KHDRBS2: variants seen among roughly 807,000 people sequenced by gnomAD.
KHDRBS2 encodes the protein KH RNA binding domain containing, signal transduction associated 2.
In KHDRBS2, 26 loss-of-function variants were observed where a neutral mutation model predicts 44.3. The observed-to-expected ratio is 0.59, with a 90% CI of 0.43 to 0.81. KHDRBS2 has a LOEUF of 0.81. Among genes scored for constraint, KHDRBS2 ranks in the 40% least tolerant of loss-of-function variants. The pLI, the probability that KHDRBS2 is intolerant of heterozygous loss-of-function variation, is 0.00. For missense variants in KHDRBS2, 476 were observed against 433.1 expected, an observed-to-expected ratio of 1.10 and a Z score of -0.88; for synonymous variants, 194 against 151.1, an observed-to-expected ratio of 1.28 and a Z score of -2.08.
At chr6:61,955,368 ACGTGTATATATACACATACGTATGTG>A (rs1766601952) in intron 4 of KHDRBS2, among the ~76,000 whole-genome samples, 3 of 110,246 alleles carry the variant, frequency 2.7e-5, no homozygotes, top group African/African-American at 1.1e-4. Context: ...GTATACATAT[ACGTGTATATATACACATACGTATGTG>A]TATGTATACA....
At chr6:61,631,953 A>C in the KHDRBS2 span, among the ~76,000 whole-genome samples, 137 of 152,216 alleles carry the variant, frequency 9.0e-4, no homozygotes, top group African/African-American at 3.0e-3. Context: ...TATCTGTGAA[A>C]CTCTTTTGTG....
At chr6:61,983,099 T>C (rs1379267933) in intron 3 of KHDRBS2, among the ~76,000 whole-genome samples, 1 of 152,066 alleles carries the variant, frequency 6.6e-6, no homozygotes, top group Non-Finnish European at 1.5e-5. Flanking sequence ...AATTGGAAAC[T>C]CGTTATATAA....
intron 1 of KHDRBS2, among the ~76,000 whole-genome samples, chr6:62,252,025 A>G (rs1836625395): frequency 2.0e-5 from 3 of 151,840 alleles, no homozygotes; most frequent in Non-Finnish European, 2.9e-5. Flanking sequence ...GGAGGAGGAG[A>G]AGATTCTTGG....
chr6:61,543,507 T>C, the KHDRBS2 span, among the ~76,000 whole-genome samples: 1 of 151,978 alleles, frequency 6.6e-6, no homozygotes, highest in Non-Finnish European at 1.5e-5. Context: ...TAAATATTAA[T>C]TAGTACAACC....
chr6:61,812,863 C>A (rs1490185160), intron 6 of KHDRBS2, among the ~76,000 whole-genome samples: 1 of 151,994 alleles, frequency 6.6e-6, no homozygotes, highest in African/African-American at 2.4e-5. Context: ...TACATTTTCA[C>A]ATTTGTACCT....
the KHDRBS2 span, chr6:61,630,474 G>A: frequency 2.6e-5 from 4 of 152,120 alleles, no homozygotes; most frequent in African/African-American, 9.7e-5. Context: ...CTTCCATGGT[G>A]AACAGGATTG....
intron 2 of KHDRBS2, among the ~76,000 whole-genome samples, chr6:62,068,525 CT>C (rs1011492544): frequency 2.6e-5 from 4 of 151,400 alleles, no homozygotes; most frequent in East Asian, 2.0e-4. Context: ...AATAGTCTAA[CT>C]TTTTTTTATT....
At chr6:62,131,645 C>A (rs1287023606) in intron 2 of KHDRBS2, among the ~76,000 whole-genome samples, 1 of 152,166 alleles carries the variant, frequency 6.6e-6, no homozygotes, top group Non-Finnish European at 1.5e-5. Flanking sequence ...ACTTTCCATT[C>A]TCTTCTCATC....
intron 6 of KHDRBS2, among the ~76,000 whole-genome samples, chr6:61,788,950 T>C (rs896372116): frequency 6.6e-6 from 1 of 151,260 alleles, no homozygotes; most frequent in African/African-American, 2.4e-5. Context: ...GCTGAAAGTG[T>C]TAATAGTAAG....
intron 6 of KHDRBS2, among the ~76,000 whole-genome samples, chr6:61,749,551 T>A (rs1410135397): frequency 2.0e-5 from 3 of 152,234 alleles, no homozygotes; most frequent in Non-Finnish European, 4.4e-5. Context: ...TTCTCATTCA[T>A]CTTTTCCTGT....
At chr6:61,777,776 G>T (rs1782320125) in intron 6 of KHDRBS2, among the ~76,000 whole-genome samples, 1 of 152,008 alleles carries the variant, frequency 6.6e-6, no homozygotes. Context: ...TATCTTAAGG[G>T]TATAAAATAA....
chr6:62,038,863 A>T (rs575469302), intron 3 of KHDRBS2, among the ~76,000 whole-genome samples: 101 of 152,102 alleles, frequency 6.6e-4, no homozygotes, highest in Non-Finnish European at 1.1e-3. Context: ...AAGAGATTAA[A>T]TATCCTTATT....
intron 4 of KHDRBS2, among the ~76,000 whole-genome samples, chr6:61,903,614 TC>T (rs533894338): frequency 2.0e-3 from 301 of 152,260 alleles, no homozygotes; most frequent in Non-Finnish European, 1.7e-3. Context: ...GCCAATTTGT[TC>T]AGGATTCCCT....
chr6:61,677,038 G>A (rs927504229), downstream of KHDRBS2, among the ~76,000 whole-genome samples: 24 of 151,744 alleles, frequency 1.6e-4, no homozygotes, highest in African/African-American at 5.3e-4. Context: ...CATTGTTTTT[G>A]TACTTAAAAA....
chr6:61,671,309 A>G, the KHDRBS2 span, among the ~76,000 whole-genome samples: 26 of 151,778 alleles, frequency 1.7e-4, no homozygotes, highest in African/African-American at 5.5e-4. Flanking sequence ...TGGAACAGGA[A>G]CTTAAGATTA....
At chr6:62,210,995 T>G (rs1005986329) in intron 1 of KHDRBS2, among the ~76,000 whole-genome samples, 26 of 152,268 alleles carry the variant, frequency 1.7e-4, no homozygotes, top group Middle Eastern at 3.4e-3. Context: ...TAAATTCTTT[T>G]TCTTTTTTCC....
chr6:61,644,570 C>A, the KHDRBS2 span, among the ~76,000 whole-genome samples: 28 of 152,162 alleles, frequency 1.8e-4, no homozygotes, highest in African/African-American at 6.3e-4. Context: ...TGACAAAGGT[C>A]TAATATCCAG....
chr6:61,852,651 A>C (rs966177034), intron 6 of KHDRBS2, among the ~76,000 whole-genome samples: 2 of 151,990 alleles, frequency 1.3e-5, no homozygotes, highest in African/African-American at 4.8e-5. Flanking sequence ...TACTGTTGAC[A>C]GTCTTTTTTG....
At chr6:62,102,001 G>A (rs1461810887) in intron 2 of KHDRBS2, among the ~76,000 whole-genome samples, 2 of 152,080 alleles carry the variant, frequency 1.3e-5, no homozygotes, top group South Asian at 2.1e-4. Context: ...AAGTCTATAA[G>A]ACTTTAAATG....
Sources: gnomAD v4.1 joint callset for allele counts (sites outside exome capture counted in the v4.1 genomes callset) on GRCh38, gnomAD v4.1.1 for gene constraint, MANE v1.5 for transcripts, NCBI Gene and HGNC (gene_info 2026-07-23, HGNC 2026-07-21) for gene names.